Variants in WWOX observed in about 807,000 individuals in gnomAD.
The protein encoded by WWOX is WW domain-containing oxidoreductase.
WWOX carries 69 observed loss-of-function variants against 46.2 expected under a neutral mutation model. That is an observed-to-expected ratio of 1.49 (90% CI 1.23 to 1.82). The LOEUF (loss-of-function observed/expected upper bound fraction) is 1.82, where lower values mean the gene tolerates loss of function less well. WWOX is among the 40% of genes most tolerant of loss of function. The probability of loss-of-function intolerance (pLI) is 0.00; values close to 1 mark genes in which losing one functional copy is unlikely to be tolerated. For missense variants in WWOX, 919 were observed against 542.6 expected, an observed-to-expected ratio of 1.69 and a Z score of -6.89; for synonymous variants, 359 against 202.6, an observed-to-expected ratio of 1.77 and a Z score of -6.56.
intron 8 of WWOX, among the ~76,000 whole-genome samples, chr16:78,501,716 T>G (rs975353971): frequency 2.0e-5 from 3 of 152,110 alleles, no homozygotes; most frequent in African/African-American, 7.2e-5. Flanking sequence ...TTTGTACTTT[T>G]ATTAGAGACA....
At chr16:78,587,044 G>A (rs932415559) in intron 8 of WWOX, among the ~76,000 whole-genome samples, 1 of 151,966 alleles carries the variant, frequency 6.6e-6, no homozygotes, top group Non-Finnish European at 1.5e-5. Flanking sequence ...TCCTTTTTTA[G>A]AGATAAAGCC....
At chr16:78,431,160 A>C (rs115003342) in intron 7 of WWOX, among the ~76,000 whole-genome samples, 1 of 152,172 alleles carries the variant, frequency 6.6e-6, no homozygotes, top group Non-Finnish European at 1.5e-5. Context: ...AAACGGAAAG[A>C]AACAAACAGC....
chr16:78,527,989 T>TC (rs1597215575), intron 8 of WWOX, among the ~76,000 whole-genome samples: 1 of 109,836 alleles, frequency 9.1e-6, no homozygotes, highest in Non-Finnish European at 1.8e-5. Flanking sequence ...CTGGTACATG[T>TC]CCTTTTTTTT....
chr16:79,018,444 C>T (rs1015438269), intron 8 of WWOX, among the ~76,000 whole-genome samples: 27 of 152,154 alleles, frequency 1.8e-4, no homozygotes, highest in African/African-American at 6.5e-4. Flanking sequence ...GATTATTGAC[C>T]TCTGTGCCCA....
At chr16:78,434,529 G>C (rs1462837036) in intron 8 of WWOX, among the ~76,000 whole-genome samples, 1 of 152,198 alleles carries the variant, frequency 6.6e-6, no homozygotes, top group Non-Finnish European at 1.5e-5. Context: ...AGAGGAGAGA[G>C]GTGGATTCTT....
At chr16:78,769,486 A>C (rs1325035777) in intron 8 of WWOX, among the ~76,000 whole-genome samples, 1 of 152,026 alleles carries the variant, frequency 6.6e-6, no homozygotes, top group African/African-American at 2.4e-5. Flanking sequence ...GATGGAGATA[A>C]AATGGGTAAT....
At chr16:78,107,870 T>A (rs1814022055) in intron 1 of WWOX, among the ~76,000 whole-genome samples, 1 of 152,094 alleles carries the variant, frequency 6.6e-6, no homozygotes. Flanking sequence ...ATGAATTTTG[T>A]CCCTACATCG....
At chr16:78,851,080 TGAC>T (rs2052432015) in intron 8 of WWOX, among the ~76,000 whole-genome samples, 1 of 152,292 alleles carries the variant, frequency 6.6e-6, no homozygotes, top group East Asian at 1.9e-4. Flanking sequence ...TGAGGCCAGG[TGAC>T]TTAATTTCCA....
chr16:79,032,378 T>G (rs954426562), intron 8 of WWOX, among the ~76,000 whole-genome samples: 2 of 145,582 alleles, frequency 1.4e-5, no homozygotes, highest in Non-Finnish European at 3.0e-5. Flanking sequence ...ATATAATATA[T>G]TCTATGTAAT....
intron 5 of WWOX, among the ~76,000 whole-genome samples, chr16:78,217,739 A>C (rs1207691531): frequency 2.0e-5 from 3 of 152,054 alleles, no homozygotes; most frequent in African/African-American, 7.2e-5. Context: ...TTCTTCACTT[A>C]CCGGGGAAGG....
intron 4 of WWOX, among the ~76,000 whole-genome samples, chr16:78,127,325 A>G (rs770807642): frequency 1.3e-5 from 2 of 152,130 alleles, no homozygotes; most frequent in Non-Finnish European, 2.9e-5. Context: ...CAGTGAAATT[A>G]GTTTGGTATT....
At chr16:78,759,848 G>A (rs1355662436) in intron 8 of WWOX, among the ~76,000 whole-genome samples, 2 of 152,264 alleles carry the variant, frequency 1.3e-5, no homozygotes, top group East Asian at 3.9e-4. Context: ...CCTTAGGGGA[G>A]AGTCCATTCC....
intron 8 of WWOX, among the ~76,000 whole-genome samples, chr16:78,947,576 G>A (rs1441035193): frequency 6.6e-6 from 1 of 152,218 alleles, no homozygotes; most frequent in Non-Finnish European, 1.5e-5. Context: ...GATTTTCAGG[G>A]ATGGCCCTTG....
intron 8 of WWOX, among the ~76,000 whole-genome samples, chr16:79,062,522 G>C (rs1287311716): frequency 1.3e-5 from 2 of 152,184 alleles, no homozygotes; most frequent in African/African-American, 4.8e-5. Flanking sequence ...GGAATCGAGT[G>C]TGACTTTATG....
At chr16:78,108,349 A>G (rs2032281858) in intron 1 of WWOX, 74 bp from the exon 2 acceptor site, 3 of 1,490,200 alleles carry the variant, frequency 2.0e-6, no homozygotes, top group Non-Finnish European at 2.8e-6. Flanking sequence ...GGAGAGAAAA[A>G]ATTTAATACA....
intron 8 of WWOX, among the ~76,000 whole-genome samples, chr16:78,642,595 A>T (rs897649148): frequency 5.3e-5 from 8 of 152,008 alleles, no homozygotes; most frequent in Non-Finnish European, 8.8e-5. Context: ...GGGCAAGTTG[A>T]GTCTCCATGT....
intron 8 of WWOX, among the ~76,000 whole-genome samples, chr16:78,667,751 CA>C (rs765990727): frequency 4.0e-5 from 6 of 151,012 alleles, no homozygotes; most frequent in South Asian, 4.2e-4. Flanking sequence ...GCTCATTGTT[CA>C]AATGAACTCA....
Position 78,654,749 on chromosome 16 carries a change from T to C in WWOX, c.1056+221997T>C, listed in dbSNP as rs191066855. On this transcript the variant is annotated intron_variant, in intron 8 of 8. Coordinates refer to ENST00000566780, the MANE Select transcript of WWOX (RefSeq NM_016373.4). Reference sequence around the variant, plus strand: ...GCCTGTGAATTTTTTTAACCTTTCTTAACCTACATCCTAATTATTTGATTT... The same window carrying C: ...GCCTGTGAATTTTTTTAACCTTTCTCAACCTACATCCTAATTATTTGATTT... 5.3e-5 allele frequency among the ~76,000 whole-genome samples: 8 copies of C among 152,212 alleles called. No homozygotes were observed. The East Asian group carries it at 1.4e-3, about 26-fold the overall frequency.
At chr16:78,971,323 C>T (rs931395184) in intron 8 of WWOX, among the ~76,000 whole-genome samples, 1 of 151,556 alleles carries the variant, frequency 6.6e-6, no homozygotes, top group African/African-American at 2.4e-5. Flanking sequence ...AATTAGGTGG[C>T]AGGCACTTGT....
Sources: gnomAD v4.1 joint callset for allele counts (sites outside exome capture counted in the v4.1 genomes callset) on GRCh38, gnomAD v4.1.1 for gene constraint, MANE v1.5 for transcripts, NCBI Gene and HGNC (gene_info 2026-07-23, HGNC 2026-07-21) for gene names.